DLG2: variants seen among roughly 807,000 people sequenced by gnomAD.
DLG2 encodes discs large MAGUK scaffold protein 2.
DLG2 carries 45 observed loss-of-function variants against 132.5 expected under a neutral mutation model. The ratio of observed to expected loss-of-function variants is 0.34; its 90% CI spans 0.27 to 0.44. DLG2 has a LOEUF of 0.44. Among genes scored for constraint, DLG2 ranks in the 20% least tolerant of loss-of-function variants. The pLI is 1.00. For missense variants in DLG2, 1,045 were observed against 1,196.9 expected (o/e 0.87, Z 1.87); for synonymous variants, 424 against 419.6 (o/e 1.01, Z -0.13).
chr11:85,475,125 C>A (rs2093101589), intron 3 of DLG2, among the ~76,000 whole-genome samples: 1 of 151,536 alleles, frequency 6.6e-6, no homozygotes, highest in Non-Finnish European at 1.5e-5. Context: ...AAATGTACAG[C>A]AAACTTTTTA....
chr11:84,882,027 G>C (rs2087431758), intron 6 of DLG2, among the ~76,000 whole-genome samples: 1 of 152,074 alleles, frequency 6.6e-6, no homozygotes, highest in Admixed American at 6.6e-5. Flanking sequence ...TCTCAGATTT[G>C]AGTTTTGCTA....
chr11:85,028,659 G>T, intron 6 of DLG2, among the ~76,000 whole-genome samples: 1 of 152,182 alleles, frequency 6.6e-6, no homozygotes, highest in East Asian at 1.9e-4. Context: ...CCTCAACTTT[G>T]CTCTAAAATC....
At chr11:83,596,628 T>C (rs1418017808) in intron 19 of DLG2, among the ~76,000 whole-genome samples, 1 of 152,134 alleles carries the variant, frequency 6.6e-6, no homozygotes, top group Non-Finnish European at 1.5e-5. Context: ...TCCTTACTAT[T>C]TAGAGTCCCA....
chr11:84,683,707 T>A (rs1300034583), intron 6 of DLG2, among the ~76,000 whole-genome samples: 3 of 152,168 alleles, frequency 2.0e-5, no homozygotes, highest in African/African-American at 7.2e-5. Context: ...GCAGGTGCAC[T>A]GAAAGCACCA....
chr11:84,425,200 G>A (rs975821845), intron 7 of DLG2, among the ~76,000 whole-genome samples: 5 of 152,078 alleles, frequency 3.3e-5, no homozygotes, highest in African/African-American at 7.2e-5. Flanking sequence ...TTCAAAGGCT[G>A]CAGATGATTT....
intron 6 of DLG2, among the ~76,000 whole-genome samples, chr11:85,094,171 C>T (rs537797111): frequency 6.6e-6 from 1 of 152,280 alleles, no homozygotes; most frequent in African/African-American, 2.4e-5. Context: ...TACAGTAAAC[C>T]ATGCTGTCAT....
chr11:84,916,433 T>G (rs1400453188), intron 6 of DLG2, among the ~76,000 whole-genome samples: 1 of 135,404 alleles, frequency 7.4e-6, no homozygotes, highest in African/African-American at 2.8e-5. Flanking sequence ...CTCTAATTAA[T>G]ACAGCAGAGC....
chr11:83,594,120 C>G (rs1364812041), intron 19 of DLG2, among the ~76,000 whole-genome samples: 1 of 152,220 alleles, frequency 6.6e-6, no homozygotes, highest in Non-Finnish European at 1.5e-5. Context: ...CCTGTATTTC[C>G]TGGACCCTTT....
At position 83,895,141 on chromosome 11, in the gene DLG2, C is replaced by T. The variant is rs909251817; in HGVS notation, c.1497-20653G>A. Among the ~76,000 whole-genome samples, 12 of 137,538 alleles carry T rather than the reference C, an allele frequency of 8.7e-5. No homozygotes were observed. In the South Asian group the frequency reaches 2.8e-3, roughly 33 times the overall value. The allele number at this position is 137,538 out of a possible 152,430, so 90.2% of individuals were successfully genotyped here. On this transcript the variant is annotated intron_variant, in intron 15 of 27. Coordinates refer to ENST00000376104, the MANE Select transcript of DLG2 (RefSeq NM_001142699.3). Reference sequence around the variant, plus strand: ...GGAAACATCATATTACTAAGAACTACTGTCTTTTTTTTTTTTTTTTTTTTT... The same window carrying T: ...GGAAACATCATATTACTAAGAACTATTGTCTTTTTTTTTTTTTTTTTTTTT...
At position 83,922,109 on chromosome 11, in the gene DLG2, A is replaced by C. The variant is rs982941928; in HGVS notation, c.1496+8219T>G. Among the ~76,000 whole-genome samples the C allele has an allele frequency of 1.2e-4, 18 of 152,182 alleles. 1 individual carries two copies. The highest frequency in any genetic ancestry group is 3.4e-4 in the African/African-American group (14 of 41,458). On this transcript the variant is annotated intron_variant, in intron 15 of 27. Coordinates refer to ENST00000376104, the MANE Select transcript of DLG2 (RefSeq NM_001142699.3). ...ATTACAAAATGTTAACTGTGCTTTT[A>C]AAACAATTATTGAATTCTTAATGAA...
chr11:84,308,160 A>C (rs1380874924), intron 7 of DLG2, among the ~76,000 whole-genome samples: 1 of 152,076 alleles, frequency 6.6e-6, no homozygotes, highest in Non-Finnish European at 1.5e-5. Flanking sequence ...TGATTGGTTC[A>C]TTTTACAGAG....
At chr11:84,149,983 C>G (rs538353738) in intron 9 of DLG2, among the ~76,000 whole-genome samples, 1 of 152,240 alleles carries the variant, frequency 6.6e-6, no homozygotes, top group African/African-American at 2.4e-5. Context: ...GTCTCAAACT[C>G]CTAACCTCGT....
intron 19 of DLG2, 145 bp from the exon 20 acceptor site, chr11:83,542,003 A>G (rs892234689): frequency 8.0e-6 from 6 of 750,234 alleles, no homozygotes; most frequent in African/African-American, 7.3e-5. Flanking sequence ...ATCACAGTCC[A>G]CACTCTCACT....
chr11:83,561,913 G>C (rs2096617913), intron 19 of DLG2, among the ~76,000 whole-genome samples: 1 of 104,120 alleles, frequency 9.6e-6, no homozygotes, highest in African/African-American at 3.8e-5. Context: ...TTTTTGAGAT[G>C]GAGTCTTGCT....
intron 3 of DLG2, among the ~76,000 whole-genome samples, chr11:85,412,403 G>A (rs1383229761): frequency 2.0e-5 from 3 of 151,620 alleles, no homozygotes; most frequent in African/African-American, 4.8e-5. Flanking sequence ...GGTTATTGGG[G>A]AACAGGAGGT....
At chr11:85,150,010 A>ATTTTTTTTTTTTTTTTTTTT (rs962380618) in intron 5 of DLG2, among the ~76,000 whole-genome samples, 5 of 112,308 alleles carry the variant, frequency 4.5e-5, no homozygotes, top group Non-Finnish European at 7.1e-5. Context: ...TCAGTTTTTA[A>ATTTTTTTTTTTTTTTTTTTT]TTTTTTTTTT....
chr11:84,844,107 G>T (rs1247542871), intron 6 of DLG2, among the ~76,000 whole-genome samples: 2 of 76,276 alleles, frequency 2.6e-5, no homozygotes, highest in East Asian at 8.1e-4. Flanking sequence ...ATATATGTTT[G>T]TGTGTGTGTG....
intron 27 of DLG2, among the ~76,000 whole-genome samples, chr11:83,460,511 A>ATAAG (rs1210983537): frequency 6.6e-6 from 1 of 152,214 alleles, no homozygotes; most frequent in Non-Finnish European, 1.5e-5. Flanking sequence ...TGAGAATACC[A>ATAAG]TAAGTCCACT....
intron 8 of DLG2, among the ~76,000 whole-genome samples, chr11:84,208,897 C>T (rs1419613955): frequency 2.0e-5 from 3 of 151,786 alleles, no homozygotes; most frequent in African/African-American, 2.4e-5. Context: ...GGGAAGTAAC[C>T]GATAAGCAGA....
Sources: gnomAD v4.1 joint callset for allele counts (sites outside exome capture counted in the v4.1 genomes callset) on GRCh38, gnomAD v4.1.1 for gene constraint, MANE v1.5 for transcripts, NCBI Gene and HGNC (gene_info 2026-07-23, HGNC 2026-07-21) for gene names.